The following CAMKMT variants were observed in gnomAD, a reference collection of about 807,000 sequenced individuals.
CAMKMT encodes calmodulin-lysine N-methyltransferase.
A neutral mutation model predicts 48.0 loss-of-function variants in CAMKMT; 53 were observed. The observed-to-expected ratio is 1.10, with a 90% CI of 0.89 to 1.39. The LOEUF (loss-of-function observed/expected upper bound fraction) is 1.39. CAMKMT is among the 40% of genes most tolerant of loss of function. The pLI is 0.00. For synonymous variants in CAMKMT, 165 were observed against 152.3 expected (o/e 1.08, Z -0.61); for missense variants, 428 against 402.7 (o/e 1.06, Z -0.54).
chr2:44,436,838 C>T (rs1666292528), intron 3 of CAMKMT, among the ~76,000 whole-genome samples: 1 of 151,962 alleles, frequency 6.6e-6, no homozygotes, highest in African/African-American at 2.4e-5. Context: ...TTTAAGAAGG[C>T]TTGCAAGTAT....
intron 2 of CAMKMT, among the ~76,000 whole-genome samples, chr2:44,377,824 G>T (rs749117698): frequency 6.6e-6 from 1 of 151,962 alleles, no homozygotes; most frequent in Non-Finnish European, 1.5e-5. Context: ...GCACTACACC[G>T]AGATCATACC....
intron 3 of CAMKMT, among the ~76,000 whole-genome samples, chr2:44,528,237 T>G (rs908750779): frequency 6.6e-6 from 1 of 152,078 alleles, no homozygotes; most frequent in Admixed American, 6.6e-5. Context: ...ATTTCCTAAC[T>G]TAGAATGAGC....
intron 3 of CAMKMT, among the ~76,000 whole-genome samples, chr2:44,508,670 T>C (rs777405655): frequency 6.6e-6 from 1 of 152,224 alleles, no homozygotes; most frequent in Admixed American, 6.5e-5. Flanking sequence ...AATAACTTTC[T>C]ATGGGATTTT....
intron 3 of CAMKMT, among the ~76,000 whole-genome samples, chr2:44,552,132 CT>C (rs1338144795): frequency 6.6e-6 from 1 of 152,124 alleles, no homozygotes; most frequent in Non-Finnish European, 1.5e-5. Flanking sequence ...TTTCTCATCT[CT>C]CATCCTCCCC....
chr2:44,385,929 A>C (rs184238521), intron 2 of CAMKMT, among the ~76,000 whole-genome samples: 2 of 152,126 alleles, frequency 1.3e-5, no homozygotes, highest in East Asian at 3.9e-4. Flanking sequence ...ATCAGTCTGT[A>C]GTTTTCTTTT....
intron 3 of CAMKMT, among the ~76,000 whole-genome samples, chr2:44,399,590 A>G (rs1682170781): frequency 2.0e-5 from 3 of 151,586 alleles, no homozygotes; most frequent in Non-Finnish European, 4.4e-5. Flanking sequence ...TCACATTGCT[A>G]CTGGTTCTAC....
intron 4 of CAMKMT, among the ~76,000 whole-genome samples, chr2:44,705,100 T>A (rs1293229051): frequency 6.6e-6 from 1 of 152,194 alleles, no homozygotes; most frequent in Non-Finnish European, 1.5e-5. Flanking sequence ...ATAGCGTGTG[T>A]TTTAACCGTA....
intron 3 of CAMKMT, among the ~76,000 whole-genome samples, chr2:44,563,917 A>G (rs1310511885): frequency 1.3e-5 from 2 of 152,130 alleles, no homozygotes; most frequent in Non-Finnish European, 1.5e-5. Context: ...GCTATTGTGA[A>G]TAGTGCCGCA....
At chr2:44,663,360 C>T (rs1199129973) in intron 3 of CAMKMT, among the ~76,000 whole-genome samples, 2 of 152,162 alleles carry the variant, frequency 1.3e-5, no homozygotes, top group Non-Finnish European at 2.9e-5. Flanking sequence ...CTCCTTTGTC[C>T]ATAGCTTCTA....
Position 44,772,093 on chromosome 2 carries a change from A to G in CAMKMT, c.952A>G (p.Ile318Val). The G allele has an allele frequency of 6.2e-7, 1 of 1,613,786 alleles. No individual in the cohort carries two copies. Among genetic ancestry groups the G allele is most frequent in the Non-Finnish European group, 8.5e-7 (1 of 1,179,870 alleles). Residue 318 changes from isoleucine to valine, a missense_variant, in exon 11 of 11, where the codon ATT (isoleucine) becomes GTT (valine). By Grantham distance (29) the Ile-to-Val change is conservative. Transcript: ENST00000378494. Reference protein sequence around the residue: ...EENLHYPLLLILTKHG With the variant: ...EENLHYPLLLVLTKHG ...AAACCTTCATTACCCGCTTCTGCTTATTTTGACCAAACATGGATAGAAGAT... is the reference window on the plus strand; with the variant it reads ...AAACCTTCATTACCCGCTTCTGCTTGTTTTGACCAAACATGGATAGAAGAT...
intron 2 of CAMKMT, among the ~76,000 whole-genome samples, chr2:44,385,248 A>C (rs947726828): frequency 6.6e-6 from 1 of 151,910 alleles, no homozygotes; most frequent in African/African-American, 2.4e-5. Flanking sequence ...CAGCTGTTGC[A>C]AAAAGGGTTG....
intron 10 of CAMKMT, among the ~76,000 whole-genome samples, chr2:44,768,538 G>T (rs932119612): frequency 2.0e-5 from 3 of 151,872 alleles, no homozygotes; most frequent in Non-Finnish European, 4.4e-5. Context: ...CCCAGAGGCC[G>T]GAGCAGTGAG....
intron 3 of CAMKMT, among the ~76,000 whole-genome samples, chr2:44,623,559 C>T (rs1672312147): frequency 1.3e-5 from 2 of 152,118 alleles, no homozygotes. Context: ...GCCTGTTACC[C>T]CAGCACCATT....
chr2:44,440,081 A>C (rs1558616715), intron 3 of CAMKMT, among the ~76,000 whole-genome samples: 1 of 152,146 alleles, frequency 6.6e-6, no homozygotes, highest in Non-Finnish European at 1.5e-5. Context: ...GAGTGCTTAG[A>C]GGTAAAGAGT....
chr2:44,595,428 C>A (rs1266520104), intron 3 of CAMKMT, among the ~76,000 whole-genome samples: 1 of 152,098 alleles, frequency 6.6e-6, no homozygotes, highest in African/African-American at 2.4e-5. Context: ...GAATAAAATA[C>A]CTAGGAATAC....
At chr2:44,635,097 T>C (rs1037351869) in intron 3 of CAMKMT, among the ~76,000 whole-genome samples, 2 of 152,098 alleles carry the variant, frequency 1.3e-5, no homozygotes, top group East Asian at 3.9e-4. Flanking sequence ...AAAGAAGAAA[T>C]ATTAGATGCT....
At chr2:44,445,086 A>T (rs899492757) in intron 3 of CAMKMT, among the ~76,000 whole-genome samples, 3 of 152,188 alleles carry the variant, frequency 2.0e-5, no homozygotes, top group African/African-American at 7.2e-5. Context: ...CAAGCCTCCC[A>T]TTTCATGGAT....
At chr2:44,480,756 T>G (rs1429929815) in intron 3 of CAMKMT, among the ~76,000 whole-genome samples, 1 of 148,234 alleles carries the variant, frequency 6.7e-6, no homozygotes, top group Admixed American at 6.9e-5. Context: ...CTGATCTCTT[T>G]GTATCAATTA....
At chr2:44,683,831 AAAAAAAAAAAAAG>A (rs1188711541) in intron 3 of CAMKMT, among the ~76,000 whole-genome samples, 4 of 145,574 alleles carry the variant, frequency 2.7e-5, no homozygotes, top group Admixed American at 6.7e-5. Context: ...TCAAAAAAAA[AAAAAAAAAAAAAG>A]AAAAAGAAAA....
Sources: allele counts gnomAD v4.1 joint callset (sites outside exome capture counted in the v4.1 genomes callset), GRCh38; gene constraint gnomAD v4.1.1; transcripts MANE v1.5; gene names NCBI Gene and HGNC (gene_info 2026-07-23, HGNC 2026-07-21).